The following TRIM44 variants were observed in gnomAD, a reference collection of about 807,000 sequenced individuals.
TRIM44 encodes tripartite motif-containing protein 44.
Under a neutral mutation model 37.4 loss-of-function variants are expected in TRIM44, and 13 were observed. The ratio of observed to expected loss-of-function variants is 0.35; its 90% CI spans 0.23 to 0.55. TRIM44 has a LOEUF of 0.55. Among genes scored for constraint, TRIM44 ranks in the 20% least tolerant of loss-of-function variants. The pLI is 0.89. For missense variants in TRIM44, 426 were observed against 437.2 expected, an observed-to-expected ratio of 0.97 and a Z score of 0.23; for synonymous variants, 175 against 157.2, an observed-to-expected ratio of 1.11 and a Z score of -0.85.
chr11:35,789,256 G>A (rs1258937342), intron 4 of TRIM44, among the ~76,000 whole-genome samples: 1 of 152,136 alleles, frequency 6.6e-6, no homozygotes, highest in Non-Finnish European at 1.5e-5. Context: ...GGGTAGAAGA[G>A]CCATCTGATA....
rs866748755 is a variant in TRIM44, at chr11:35,696,136, A to T, written c.747+10800A>T. On this transcript the variant is annotated intron_variant, in intron 2 of 4. Transcript: ENST00000299413. ...TCATTTAGCCAAAATGATGAGTCAA[A>T]TTTTTTTTTTTTTTTTTTTTGAGAC... 9.4e-4 allele frequency among the ~76,000 whole-genome samples: 130 copies of T among 138,298 alleles called. 1 individual carries two copies. Among genetic ancestry groups the T allele is most frequent in the African/African-American group, 2.9e-3 (108 of 37,278 alleles). 90.7% of individuals were successfully genotyped at this position (138,298 alleles called of 152,430 possible). A position where few individuals can be genotyped will look rare whatever the true frequency, so the allele number is the denominator to read the frequency against.
intron 2 of TRIM44, among the ~76,000 whole-genome samples, chr11:35,722,268 A>G (rs1196537152): frequency 6.6e-6 from 1 of 152,170 alleles, no homozygotes; most frequent in Non-Finnish European, 1.5e-5. Context: ...TTTTAAAGTT[A>G]TTTTTGGAGT....
intron 2 of TRIM44, among the ~76,000 whole-genome samples, chr11:35,705,371 A>G (rs1851865202): frequency 1.3e-5 from 2 of 152,320 alleles, no homozygotes; most frequent in South Asian, 4.2e-4. Flanking sequence ...AAAGTTAGCA[A>G]GGATACCCAG....
At chr11:35,767,621 A>G (rs1158731257) in intron 4 of TRIM44, among the ~76,000 whole-genome samples, 1 of 152,150 alleles carries the variant, frequency 6.6e-6, no homozygotes, top group Non-Finnish European at 1.5e-5. Context: ...ATATACATAT[A>G]TATGTTTACC....
chr11:35,725,265 A>G (rs555810307), intron 2 of TRIM44, among the ~76,000 whole-genome samples: 18 of 152,324 alleles, frequency 1.2e-4, no homozygotes, highest in African/African-American at 3.8e-4. Flanking sequence ...GTACATAACT[A>G]TATAGAAAAA....
At chr11:35,726,456 G>A (rs534279111) in intron 3 of TRIM44, among the ~76,000 whole-genome samples, 14 of 152,252 alleles carry the variant, frequency 9.2e-5, no homozygotes, top group South Asian at 8.3e-4. Flanking sequence ...GAGGGCAAGC[G>A]ACAGACCCCA....
intron 1 of TRIM44, among the ~76,000 whole-genome samples, chr11:35,675,328 A>G (rs1232035165): frequency 1.3e-5 from 2 of 152,234 alleles, no homozygotes; most frequent in African/African-American, 4.8e-5. Flanking sequence ...GAAAAATCCA[A>G]AATAACCACT....
At chr11:35,716,617 T>C (rs917572752) in intron 2 of TRIM44, among the ~76,000 whole-genome samples, 1 of 152,206 alleles carries the variant, frequency 6.6e-6, no homozygotes, top group African/African-American at 2.4e-5. Flanking sequence ...TAAAGTGTCA[T>C]AATTTTTCCT....
rs1852829969 is a variant in TRIM44 at position 35,768,867 on chromosome 11, T to C, written c.1007+33422T>C. On this transcript the variant is annotated intron_variant, in intron 4 of 4. Coordinates refer to ENST00000299413, the MANE Select transcript of TRIM44 (RefSeq NM_017583.6). ...ATAGTCAGATTTGAAGACTGCAAAT[T>C]GATGGGTCATCAGCCAATTCTGGCC... is the stretch of plus-strand genomic sequence containing the variant. Among the ~76,000 whole-genome samples the C allele has an allele frequency of 2.6e-5, 4 of 152,226 alleles. No individual in the cohort carries two copies. The South Asian group carries it at 8.3e-4, about 32-fold the overall frequency.
intron 2 of TRIM44, among the ~76,000 whole-genome samples, chr11:35,690,533 C>T (rs114797450): frequency 0.013 from 1,956 of 152,302 alleles, 46 homozygotes; most frequent in African/African-American, 0.044. Context: ...GAAGTATTCA[C>T]TGGGGCACTG....
At chr11:35,767,221 A>T (rs543510290) in intron 4 of TRIM44, among the ~76,000 whole-genome samples, 1 of 152,312 alleles carries the variant, frequency 6.6e-6, no homozygotes, top group South Asian at 2.1e-4. Flanking sequence ...TTTAATCATT[A>T]TAGTGGTATT....
In TRIM44 at chr11:35,808,331, C is replaced by CCAAT. The variant is rs1853482578; in HGVS notation, c.*1949_*1952dup. Reference sequence around the variant, plus strand: ...TTTGGCATACCATTAATTACAACCACCAATCATATCCAACAAAAGTACCCT... The same window carrying CCAAT: ...TTTGGCATACCATTAATTACAACCACCAATCAATCATATCCAACAAAAGTACCCT... On this transcript the variant is annotated 3_prime_UTR_variant, in exon 5 of 5. Coordinates refer to ENST00000299413, the MANE Select transcript of TRIM44 (RefSeq NM_017583.6). 2 of 151,768 alleles carry CCAAT rather than the reference C, an allele frequency of 1.3e-5. No individual in the cohort carries two copies. The highest frequency in any genetic ancestry group is 4.8e-5 in the African/African-American group (2 of 41,312). The allele number at this position is 151,768 out of a possible 1,614,324, so 9.4% of individuals were successfully genotyped here. A position where few individuals can be genotyped will look rare whatever the true frequency, so the allele number is the denominator to read the frequency against.
At chr11:35,783,252 T>G (rs1363692193) in intron 4 of TRIM44, among the ~76,000 whole-genome samples, 2 of 152,170 alleles carry the variant, frequency 1.3e-5, no homozygotes, top group African/African-American at 2.4e-5. Flanking sequence ...ACTTCATTTC[T>G]CCAGAATGTC....
intron 1 of TRIM44, among the ~76,000 whole-genome samples, chr11:35,683,613 G>T (rs1234342209): frequency 6.6e-6 from 1 of 152,044 alleles, no homozygotes; most frequent in East Asian, 1.9e-4. Flanking sequence ...CTACCCCATA[G>T]AAATGACAGT....
At chr11:35,724,282 A>G (rs1006658077) in intron 2 of TRIM44, 2 of 152,230 alleles carry the variant, frequency 1.3e-5, no homozygotes, top group South Asian at 2.1e-4. Flanking sequence ...AGGTTTTCCC[A>G]GTTTGACTTC....
chr11:35,746,245 A>T (rs752046814), intron 4 of TRIM44, among the ~76,000 whole-genome samples: 1 of 152,044 alleles, frequency 6.6e-6, no homozygotes, highest in Non-Finnish European at 1.5e-5. Context: ...ACTTCAGTCT[A>T]TGTTTTAAGA....
rs147210649 is a variant in TRIM44, at chr11:35,675,960, G to C, written c.670-9299G>C. Among the ~76,000 whole-genome samples, 438 of 152,276 alleles carry C rather than the reference G, an allele frequency of 2.9e-3. 6 individuals are homozygous for C. Among genetic ancestry groups the C allele is most frequent in the East Asian group, 0.01 (54 of 5,184 alleles). On this transcript the variant is annotated intron_variant, in intron 1 of 4. Coordinates refer to ENST00000299413, the MANE Select transcript of TRIM44 (RefSeq NM_017583.6). ...AACAGTCATTTCTCCAGGCCACAGC[G>C]TGTGCAGCTAAAAGCTGAGGTTCTT...
At chr11:35,682,633 G>T (rs1044706809) in intron 1 of TRIM44, among the ~76,000 whole-genome samples, 2 of 152,186 alleles carry the variant, frequency 1.3e-5, no homozygotes, top group South Asian at 4.1e-4. Flanking sequence ...AGAGTGGGGT[G>T]GGGAGGTGGA....
At chr11:35,779,727 G>T (rs779906950) in intron 4 of TRIM44, among the ~76,000 whole-genome samples, 2 of 151,868 alleles carry the variant, frequency 1.3e-5, no homozygotes, top group Non-Finnish European at 2.9e-5. Flanking sequence ...AGGAGTCTTA[G>T]AGTTTGGGGT....
Sources: gnomAD v4.1 joint callset for allele counts (sites outside exome capture counted in the v4.1 genomes callset) on GRCh38, gnomAD v4.1.1 for gene constraint, MANE v1.5 for transcripts, NCBI Gene and HGNC (gene_info 2026-07-23, HGNC 2026-07-21) for gene names.